The following CPNE8 variants were observed in gnomAD, a reference collection of about 807,000 sequenced individuals.
CPNE8 encodes copine-8.
Under a neutral mutation model 81.5 loss-of-function variants are expected in CPNE8, and 45 were observed. The ratio of observed to expected loss-of-function variants is 0.55; its 90% CI spans 0.44 to 0.71. CPNE8 has a LOEUF of 0.71. Ranked by LOEUF, CPNE8 falls within the 30% of genes least tolerant of loss-of-function variation. The pLI is 0.00. For synonymous variants in CPNE8, 252 were observed against 226.3 expected (o/e 1.11, Z -1.02); for missense variants, 594 against 672.1 (o/e 0.88, Z 1.28).
intron 6 of CPNE8, among the ~76,000 whole-genome samples, chr12:38,796,280 C>G (rs1451797681): frequency 6.6e-6 from 1 of 151,482 alleles, no homozygotes; most frequent in Non-Finnish European, 1.5e-5. Flanking sequence ...GAGTGGGACT[C>G]CATCTCAAAA....
At chr12:38,752,217 A>T (rs1466933274) in intron 10 of CPNE8, among the ~76,000 whole-genome samples, 1 of 152,192 alleles carries the variant, frequency 6.6e-6, no homozygotes, top group Admixed American at 6.5e-5. Context: ...AACTGATTGG[A>T]TTTAGTGGAT....
chr12:38,780,618 G>C (rs189244551), intron 6 of CPNE8, among the ~76,000 whole-genome samples: 3 of 151,992 alleles, frequency 2.0e-5, no homozygotes, highest in Non-Finnish European at 4.4e-5. Context: ...ACAGATGATC[G>C]ACAAAGATAT....
intron 6 of CPNE8, among the ~76,000 whole-genome samples, chr12:38,811,206 G>C (rs1012360861): frequency 6.9e-6 from 1 of 145,924 alleles, no homozygotes; most frequent in Non-Finnish European, 1.5e-5. Flanking sequence ...TTTTATTGCA[G>C]TATTGCGTAT....
At chr12:38,719,854 G>A (rs779574671) in intron 13 of CPNE8, among the ~76,000 whole-genome samples, 6 of 151,834 alleles carry the variant, frequency 4.0e-5, no homozygotes, top group African/African-American at 1.4e-4. Flanking sequence ...TAAAAACAAC[G>A]GAATATATGC....
intron 17 of CPNE8, chr12:38,676,443 C>T (rs544126781): frequency 3.8e-6 from 1 of 262,956 alleles, no homozygotes; most frequent in South Asian, 1.5e-4. Flanking sequence ...TCTTTCTCCT[C>T]CAAAAATATT....
chr12:38,796,570 G>T (rs1449574775), intron 6 of CPNE8, among the ~76,000 whole-genome samples: 1 of 152,172 alleles, frequency 6.6e-6, no homozygotes, highest in African/African-American at 2.4e-5. Context: ...AGGCAGCCAA[G>T]ATGGCCGAAT....
chr12:38,851,854 C>T (rs914415632), intron 3 of CPNE8, among the ~76,000 whole-genome samples: 1 of 152,110 alleles, frequency 6.6e-6, no homozygotes, highest in Non-Finnish European at 1.5e-5. Flanking sequence ...GGCAGTATCC[C>T]TTCTTTCTCT....
At chr12:38,705,701 CTG>C (rs1237990757) in intron 13 of CPNE8, among the ~76,000 whole-genome samples, 1 of 152,044 alleles carries the variant, frequency 6.6e-6, no homozygotes, top group African/African-American at 2.4e-5. Flanking sequence ...AGAGAAATGA[CTG>C]TGATACATGG....
chr12:38,681,995 T>G (rs1043830713), intron 16 of CPNE8, among the ~76,000 whole-genome samples: 1 of 146,600 alleles, frequency 6.8e-6, no homozygotes, highest in African/African-American at 2.5e-5. Flanking sequence ...CTGAGGCGGG[T>G]GGATCACTTA....
chr12:38,766,930 G>A (rs1417174721), intron 8 of CPNE8, among the ~76,000 whole-genome samples: 3 of 152,056 alleles, frequency 2.0e-5, no homozygotes, highest in African/African-American at 7.2e-5. Flanking sequence ...TACAGGTGAG[G>A]AGAAAACGGA....
chr12:38,872,126 AC>A lies in CPNE8; in HGVS notation c.186+877del, dbSNP rs1237171210. Among the ~76,000 whole-genome samples the A allele has an allele frequency of 2.0e-5, 3 of 151,992 alleles. No individual in the cohort carries two copies. The East Asian group carries it at 5.8e-4, about 29-fold the overall frequency. ...CTCCAGCCTGAGCAATAAGAGTGAAACTCTGTCTCAAACAAAAAAAAAATGT... is the reference window on the plus strand; with the variant it reads ...CTCCAGCCTGAGCAATAAGAGTGAAATCTGTCTCAAACAAAAAAAAAATGT... On this transcript the variant is annotated intron_variant, in intron 3 of 19. Coordinates refer to ENST00000331366, the MANE Select transcript of CPNE8 (RefSeq NM_153634.3).
At chr12:38,702,647 TATA>T (rs1012293235) in intron 14 of CPNE8, among the ~76,000 whole-genome samples, 1 of 152,078 alleles carries the variant, frequency 6.6e-6, no homozygotes, top group Non-Finnish European at 1.5e-5. Context: ...TATTTCAATA[TATA>T]ATAAATCTGA....
intron 5 of CPNE8, among the ~76,000 whole-genome samples, chr12:38,833,171 G>A (rs928689199): frequency 6.6e-6 from 1 of 151,592 alleles, no homozygotes; most frequent in African/African-American, 2.4e-5. Context: ...GGGCCAACAT[G>A]GTGAAACCCC....
At chr12:38,763,107 C>G (rs1398755330) in intron 8 of CPNE8, among the ~76,000 whole-genome samples, 3 of 152,156 alleles carry the variant, frequency 2.0e-5, no homozygotes, top group Non-Finnish European at 4.4e-5. Flanking sequence ...TCCACCTGCC[C>G]CGCCCTCTCA....
Position 38,653,909 on chromosome 12 carries a change from A to G in CPNE8, c.1668T>C (p.Pro556=). The G allele has an allele frequency of 6.2e-7, 1 of 1,613,340 alleles. No individual in the cohort carries two copies. The highest frequency in any genetic ancestry group is 8.5e-7 in the Non-Finnish European group (1 of 1,179,854). Residue 556 remains proline, a synonymous_variant, in exon 20 of 20, where the codon CCT becomes CCC. Coordinates refer to ENST00000331366, the MANE Select transcript of CPNE8 (RefSeq NM_153634.3). ...PSPAPPPYTP[P]THVLQTQI Reference sequence around the variant, plus strand: ...ATATTTGAGTCTGTAACACATGTGTAGGTGGGGTGTATGGGGGAGGCGCAG... The same window carrying G: ...ATATTTGAGTCTGTAACACATGTGTGGGTGGGGTGTATGGGGGAGGCGCAG...
At position 38,762,202 on chromosome 12, in the gene CPNE8, T is replaced by C; in HGVS notation, c.590A>G (p.His197Arg). The C allele has an allele frequency of 1.3e-6, 2 of 1,583,884 alleles. No homozygotes were observed. Among genetic ancestry groups the C allele is most frequent in the Non-Finnish European group, 1.7e-6 (2 of 1,162,402 alleles). ...SNEDGSFTICHKTEVVKNTLN... is the reference protein window; with the variant it reads ...SNEDGSFTICRKTEVVKNTLN... Reference sequence around the variant, plus strand: ...AGTGTTTTTGACAACTTCTGTCTTGTGACAAATTGTAAAACTATAAAGAAA... The same window carrying C: ...AGTGTTTTTGACAACTTCTGTCTTGCGACAAATTGTAAAACTATAAAGAAA... Residue 197 changes from histidine to arginine, a missense_variant, in exon 9 of 20, where the codon CAC becomes CGC. His to Arg is a conservative substitution (Grantham distance 29). Coordinates refer to ENST00000331366, the MANE Select transcript of CPNE8 (RefSeq NM_153634.3).
intron 6 of CPNE8, among the ~76,000 whole-genome samples, chr12:38,823,582 C>T (rs1403175505): frequency 6.6e-6 from 1 of 152,190 alleles, no homozygotes; most frequent in Non-Finnish European, 1.5e-5. Flanking sequence ...CCCATTGTAT[C>T]CTGCTTCTCC....
intron 15 of CPNE8, among the ~76,000 whole-genome samples, chr12:38,688,080 T>C (rs1939575306): frequency 1.3e-5 from 2 of 152,206 alleles, no homozygotes; most frequent in Admixed American, 1.3e-4. Flanking sequence ...AAAAATGTAT[T>C]ATATATCTAC....
At chr12:38,748,167 C>T (rs1272757165) in intron 10 of CPNE8, among the ~76,000 whole-genome samples, 4 of 151,906 alleles carry the variant, frequency 2.6e-5, no homozygotes, top group Non-Finnish European at 4.4e-5. Flanking sequence ...TGAGCCACCA[C>T]GCCCAGCTAA....
Sources: allele counts gnomAD v4.1 joint callset (sites outside exome capture counted in the v4.1 genomes callset), GRCh38; gene constraint gnomAD v4.1.1; transcripts MANE v1.5; gene names NCBI Gene and HGNC (gene_info 2026-07-23, HGNC 2026-07-21).